The following SLCO1B1 variants were observed in gnomAD, a reference collection of about 807,000 sequenced individuals.
The protein encoded by SLCO1B1 is OATP-2.
A neutral mutation model predicts 70.1 loss-of-function variants in SLCO1B1; 81 were observed. The observed-to-expected ratio is 1.16, with a 90% confidence interval of 0.97 to 1.39. The LOEUF (loss-of-function observed/expected upper bound fraction) is 1.39. Ranked by LOEUF, SLCO1B1 falls within the 40% of genes most tolerant of loss-of-function variation. The pLI, the probability that SLCO1B1 is intolerant of heterozygous loss-of-function variation, is 0.00. For missense variants in SLCO1B1, 895 were observed against 799.6 expected (o/e 1.12, Z -1.44); for synonymous variants, 283 against 271.5 (o/e 1.04, Z -0.42).
intron 11 of SLCO1B1, among the ~76,000 whole-genome samples, chr12:21,213,163 T>C (rs980315983): frequency 6.6e-6 from 1 of 152,172 alleles, no homozygotes; most frequent in Admixed American, 6.5e-5. Flanking sequence ...CTAGTCTTGA[T>C]GGTCTTTACA....
At chr12:21,214,876 A>T (rs1312456661) in intron 11 of SLCO1B1, among the ~76,000 whole-genome samples, 1 of 151,458 alleles carries the variant, frequency 6.6e-6, no homozygotes, top group Non-Finnish European at 1.5e-5. Flanking sequence ...GAACTCCCTG[A>T]CCCCTTGCGC....
rs78807316 is a variant in SLCO1B1 at position 21,195,937 on chromosome 12, T to A, written c.728-1009T>A. 4.9e-3 allele frequency among the ~76,000 whole-genome samples: 749 copies of A among 152,254 alleles called. 12 individuals carry two copies. The highest frequency in any genetic ancestry group is 0.017 in the African/African-American group (719 of 41,550). On this transcript the variant is annotated intron_variant, in intron 7 of 14. Transcript: ENST00000256958. ...CCACAGGGATAAGCTGGAGATGCAG[T>A]TTTCTTACATTCAGTCTATGTTGAG...
intron 10 of SLCO1B1, among the ~76,000 whole-genome samples, chr12:21,204,043 G>T (rs1194503414): frequency 6.6e-6 from 1 of 151,914 alleles, no homozygotes; most frequent in Non-Finnish European, 1.5e-5. Flanking sequence ...AAGGATATTT[G>T]TAGGATACAT....
chr12:21,155,863 G>A lies in SLCO1B1; in HGVS notation c.84+14205G>A, dbSNP rs890570376. Among the ~76,000 whole-genome samples, 22 of 152,234 alleles carry A rather than the reference G, an allele frequency of 1.4e-4. No individual in the cohort carries two copies. In the East Asian group the frequency reaches 2.5e-3, roughly 17 times the overall value. ...TTACCTGTAGAAGGGAATGCTCAAGGCTAGTCAGCCTTTCCTCCTTTGCTC... is the reference window on the plus strand; with the variant it reads ...TTACCTGTAGAAGGGAATGCTCAAGACTAGTCAGCCTTTCCTCCTTTGCTC... On this transcript the variant is annotated intron_variant, in intron 2 of 14. Coordinates refer to ENST00000256958, the MANE Select transcript of SLCO1B1 (RefSeq NM_006446.5).
chr12:21,181,931 A>G (rs560695193), intron 7 of SLCO1B1, among the ~76,000 whole-genome samples: 1 of 152,348 alleles, frequency 6.6e-6, no homozygotes, highest in African/African-American at 2.4e-5. Flanking sequence ...TTTATCATTT[A>G]CTACCATAAA....
chr12:21,154,998 C>T (rs1940521846), intron 2 of SLCO1B1, among the ~76,000 whole-genome samples: 1 of 151,620 alleles, frequency 6.6e-6, no homozygotes, highest in African/African-American at 2.4e-5. Context: ...AATTTTTTTT[C>T]TTGTCTTTGA....
intron 7 of SLCO1B1, among the ~76,000 whole-genome samples, chr12:21,191,809 C>T (rs1169188824): frequency 6.6e-6 from 1 of 151,986 alleles, no homozygotes; most frequent in African/African-American, 2.4e-5. Context: ...CTATTCCTAG[C>T]TTGTTGAAAG....
intron 11 of SLCO1B1, among the ~76,000 whole-genome samples, chr12:21,209,454 A>G (rs1378474353): frequency 6.6e-6 from 1 of 152,130 alleles, no homozygotes; most frequent in African/African-American, 2.4e-5. Context: ...AATCCAGTCT[A>G]TCACTGTTGG....
At chr12:21,143,029 C>T (rs1014228531) in intron 2 of SLCO1B1, among the ~76,000 whole-genome samples, 9 of 152,036 alleles carry the variant, frequency 5.9e-5, no homozygotes, top group Admixed American at 2.0e-4. Context: ...ATCATGTCTA[C>T]AAGTGATATT....
intron 7 of SLCO1B1, among the ~76,000 whole-genome samples, chr12:21,188,687 G>T (rs375326940): frequency 6.4e-4 from 97 of 152,166 alleles, no homozygotes; most frequent in Non-Finnish European, 1.2e-3. Flanking sequence ...TCAAAAGTGT[G>T]TAATACCTCC....
intron 11 of SLCO1B1, among the ~76,000 whole-genome samples, chr12:21,216,423 A>G (rs1307158954): frequency 2.0e-5 from 3 of 152,208 alleles, no homozygotes; most frequent in East Asian, 1.9e-4. Context: ...GATTTAGAAC[A>G]GAATTTATTA....
chr12:21,211,060 C>G (rs1425943927), intron 11 of SLCO1B1, among the ~76,000 whole-genome samples: 4 of 152,164 alleles, frequency 2.6e-5, no homozygotes, highest in Admixed American at 2.6e-4. Flanking sequence ...ATTTCCTTCT[C>G]CTGCCTAATT....
At chr12:21,182,988 G>T (rs1176751421) in intron 7 of SLCO1B1, among the ~76,000 whole-genome samples, 1 of 152,230 alleles carries the variant, frequency 6.6e-6, no homozygotes, top group Non-Finnish European at 1.5e-5. Flanking sequence ...AGAAATGCAA[G>T]TGTGGCACCA....
intron 11 of SLCO1B1, among the ~76,000 whole-genome samples, chr12:21,215,594 G>A (rs1941348344): frequency 1.3e-5 from 2 of 152,076 alleles, no homozygotes; most frequent in Admixed American, 6.6e-5. Context: ...TTTTGTTGAG[G>A]AATTTTGCAC....
intron 7 of SLCO1B1, among the ~76,000 whole-genome samples, chr12:21,192,634 AGTTT>A (rs1414182322): frequency 6.6e-6 from 1 of 150,518 alleles, no homozygotes; most frequent in East Asian, 1.9e-4. Context: ...CTTTGGCCTT[AGTTT>A]GTTTTTCTTT....
intron 11 of SLCO1B1, among the ~76,000 whole-genome samples, chr12:21,214,340 C>T (rs975632107): frequency 2.0e-5 from 3 of 150,926 alleles, no homozygotes; most frequent in African/African-American, 7.4e-5. Flanking sequence ...GTCAGTGTGC[C>T]CCTGCTGGGG....
intron 5 of SLCO1B1, among the ~76,000 whole-genome samples, chr12:21,177,288 G>A (rs905566505): frequency 4.6e-5 from 7 of 152,104 alleles, no homozygotes; most frequent in Middle Eastern, 3.2e-3. Flanking sequence ...AAAGCATTTA[G>A]AAGTAGATCA....
intron 14 of SLCO1B1, among the ~76,000 whole-genome samples, chr12:21,225,930 A>T (rs113899246): frequency 6.6e-6 from 1 of 152,232 alleles, no homozygotes; most frequent in African/African-American, 2.4e-5. Context: ...ACATGACCCC[A>T]CAAAAACCTG....
chr12:21,236,509 A>G (rs1252052411), intron 14 of SLCO1B1, among the ~76,000 whole-genome samples: 1 of 152,160 alleles, frequency 6.6e-6, no homozygotes, highest in African/African-American at 2.4e-5. Flanking sequence ...CTAGTTGTCT[A>G]TCCCTGGGGA....
Sources: gnomAD v4.1 joint callset for allele counts (sites outside exome capture counted in the v4.1 genomes callset) on GRCh38, gnomAD v4.1.1 for gene constraint, MANE v1.5 for transcripts, NCBI Gene and HGNC (gene_info 2026-07-23, HGNC 2026-07-21) for gene names.